UNC79: variants seen among roughly 807,000 people sequenced by gnomAD.
UNC79 encodes unc-79 subunit of NALCN channel complex, also known as protein unc-79 homolog.
In UNC79, 37 loss-of-function variants were observed where a neutral mutation model predicts 283.1. The observed-to-expected ratio is 0.13, with a 90% CI of 0.10 to 0.17. The LOEUF (loss-of-function observed/expected upper bound fraction) is 0.17. UNC79 is among the 10% of genes least tolerant of loss of function. The probability of loss-of-function intolerance (pLI) is 1.00; values close to 1 mark genes in which losing one functional copy is unlikely to be tolerated. For synonymous variants in UNC79, 1,107 were observed against 1,200.2 expected, an observed-to-expected ratio of 0.92 and a Z score of 1.61; for missense variants, 2,272 against 3,211.1, an observed-to-expected ratio of 0.71 and a Z score of 7.07.
chr14:93,416,638 A>T (rs1368785421), intron 1 of UNC79, among the ~76,000 whole-genome samples: 26 of 151,206 alleles, frequency 1.7e-4, no homozygotes, highest in Non-Finnish European at 3.0e-5. Context: ...GTCTCCCATT[A>T]TTATTGTGTG....
chr14:93,378,982 A>T (rs532923512), intron 1 of UNC79, among the ~76,000 whole-genome samples: 2 of 152,350 alleles, frequency 1.3e-5, no homozygotes, highest in East Asian at 3.9e-4. Context: ...ATGGAAGCCA[A>T]CTTTAGACAG....
chr14:93,697,680 A>T (rs1327017682), intron 47 of UNC79, among the ~76,000 whole-genome samples: 2 of 151,900 alleles, frequency 1.3e-5, no homozygotes, highest in Non-Finnish European at 2.9e-5. Context: ...CCAAGGAGGG[A>T]GGATTGCTTG....
chr14:93,686,612 A>G (rs751707452), exon 43 of UNC79: 5 of 1,614,194 alleles, frequency 3.1e-6, no homozygotes, highest in African/African-American at 1.3e-5. Flanking sequence ...CAGTACATCA[A>G]CGAAGTGCTG....
At chr14:93,365,948 G>A (rs2054321427) in intron 1 of UNC79, among the ~76,000 whole-genome samples, 2 of 152,124 alleles carry the variant, frequency 1.3e-5, no homozygotes, top group South Asian at 4.1e-4. Context: ...ATACATTCTG[G>A]TGAAATTTGA....
intron 40 of UNC79, 89 bp downstream of exon 43, chr14:93,662,803 C>A: frequency 3.2e-6 from 3 of 933,354 alleles, no homozygotes; most frequent in South Asian, 1.9e-5. Context: ...CCTTTTAGCT[C>A]AGTTGCTTCC....
At chr14:93,618,717 A>G (rs1478964724) in intron 29 of UNC79, among the ~76,000 whole-genome samples, 2 of 152,194 alleles carry the variant, frequency 1.3e-5, no homozygotes, top group South Asian at 2.1e-4. Flanking sequence ...GTAGGTCTCT[A>G]GTTTGCCCTG....
At position 93,529,571 on chromosome 14, in the gene UNC79, C is replaced by T. The variant is rs75917578; in HGVS notation, c.1093+245C>T. Among the ~76,000 whole-genome samples the T allele has an allele frequency of 8.3e-4, 126 of 152,246 alleles. 2 individuals carry two copies. Among genetic ancestry groups the T allele is most frequent in the East Asian group, 4.6e-3 (24 of 5,188 alleles). On this transcript the variant is annotated intron_variant, in intron 10 of 48. Transcript: ENST00000555664. ...TAGATATTGGAATTAGGATTCCATA[C>T]GACTAAAGCCCTGCCAAATTATGTC...
intron 1 of UNC79, among the ~76,000 whole-genome samples, chr14:93,403,952 TTTGC>T (rs2140034105): frequency 6.6e-6 from 1 of 151,560 alleles, no homozygotes; most frequent in Non-Finnish European, 1.5e-5. Flanking sequence ...GCAAAAAACA[TTTGC>T]AGATACATAA....
chr14:93,603,691 T>C (rs1322290830), intron 26 of UNC79, among the ~76,000 whole-genome samples: 1 of 152,210 alleles, frequency 6.6e-6, no homozygotes, highest in Non-Finnish European at 1.5e-5. Flanking sequence ...GCATGCAACT[T>C]AGAAGAAACA....
intron 33 of UNC79, among the ~76,000 whole-genome samples, chr14:93,642,974 G>A (rs2140226081): frequency 6.6e-6 from 1 of 152,264 alleles, no homozygotes; most frequent in South Asian, 2.1e-4. Context: ...GCCATTGTTT[G>A]TGCTTTTACA....
chr14:93,663,628 A>G (rs2071835014), intron 40 of UNC79, among the ~76,000 whole-genome samples: 1 of 152,126 alleles, frequency 6.6e-6, no homozygotes, highest in Non-Finnish European at 1.5e-5. Context: ...TGTCATGTTA[A>G]ATGTTCCATG....
intron 40 of UNC79, among the ~76,000 whole-genome samples, chr14:93,668,125 A>G (rs962286131): frequency 6.6e-6 from 1 of 152,144 alleles, no homozygotes; most frequent in African/African-American, 2.4e-5. Flanking sequence ...CACTGTTTCT[A>G]TTTATCATGG....
chr14:93,634,876 G>T (rs754737989), intron 31 of UNC79, among the ~76,000 whole-genome samples: 1 of 152,178 alleles, frequency 6.6e-6, no homozygotes, highest in Admixed American at 6.5e-5. Flanking sequence ...CCAGATTCCA[G>T]ATATTAGGTT....
At chr14:93,344,016 T>G (rs1474543463) in intron 1 of UNC79, among the ~76,000 whole-genome samples, 1 of 148,590 alleles carries the variant, frequency 6.7e-6, no homozygotes, top group Admixed American at 6.8e-5. Context: ...CTAAAAGAGC[T>G]GTCTCCTGGG....
At chr14:93,361,588 A>C (rs2054228790) in intron 1 of UNC79, among the ~76,000 whole-genome samples, 1 of 151,974 alleles carries the variant, frequency 6.6e-6, no homozygotes. Flanking sequence ...CAAATCTAGG[A>C]GCCTTTGGTC....
chr14:93,337,319 GT>G (rs2053600148), intron 1 of UNC79, among the ~76,000 whole-genome samples: 1 of 152,206 alleles, frequency 6.6e-6, no homozygotes, highest in Admixed American at 6.5e-5. Flanking sequence ...CTCTTCTTAA[GT>G]TTGTTTCCCC....
At chr14:93,389,943 G>A (rs544204600) in intron 1 of UNC79, among the ~76,000 whole-genome samples, 3 of 152,314 alleles carry the variant, frequency 2.0e-5, no homozygotes, top group South Asian at 4.1e-4. Context: ...GTGAGCCCCC[G>A]TGCCCGGTGA....
chr14:93,593,153 T>G (rs8018006), intron 22 of UNC79, among the ~76,000 whole-genome samples: 13,929 of 152,192 alleles, frequency 0.092, 1,523 homozygotes, highest in African/African-American at 0.26. Flanking sequence ...TTTATTCAGG[T>G]TGTTGACGTT....
intron 1 of UNC79, among the ~76,000 whole-genome samples, chr14:93,345,433 A>G (rs1325787110): frequency 6.7e-6 from 1 of 150,154 alleles, no homozygotes; most frequent in East Asian, 1.9e-4. Flanking sequence ...AATGTACGCT[A>G]AAGAAACACA....
Sources: gnomAD v4.1 joint callset for allele counts (sites outside exome capture counted in the v4.1 genomes callset) on GRCh38, gnomAD v4.1.1 for gene constraint, MANE v1.5 for transcripts, NCBI Gene and HGNC (gene_info 2026-07-23, HGNC 2026-07-21) for gene names.